CHD4: variants seen among roughly 807,000 people sequenced by gnomAD.
The protein encoded by CHD4 is ATP-dependent chromatin remodeler CHD4.
CHD4 carries 35 observed loss-of-function variants against 235.5 expected under a neutral mutation model. That is an observed-to-expected ratio of 0.15 (90% CI 0.11 to 0.20). The LOEUF (loss-of-function observed/expected upper bound fraction) is 0.20, where lower values mean the gene tolerates loss of function less well. Ranked by LOEUF, CHD4 falls within the 10% of genes least tolerant of loss-of-function variation. The pLI, the probability that CHD4 is intolerant of heterozygous loss-of-function variation, is 1.00. For synonymous variants in CHD4, 900 were observed against 850.2 expected (o/e 1.06, Z -1.02); for missense variants, 1,329 against 2,432.3 (o/e 0.55, Z 9.54).
intron 33 of CHD4, among the ~76,000 whole-genome samples, chr12:6,579,876 G>A (rs997586345): frequency 6.6e-6 from 1 of 151,522 alleles, no homozygotes; most frequent in Non-Finnish European, 1.5e-5. Context: ...CTAACACGGT[G>A]AAACCCCGTC....
intron 33 of CHD4, 189 bp from the exon 34 acceptor site, chr12:6,579,106 G>A: frequency 3.7e-6 from 2 of 542,058 alleles, no homozygotes; most frequent in Admixed American, 2.9e-5. Flanking sequence ...CTTGAGGTCA[G>A]GAGTTCAAGA....
At chr12:6,579,011 T>TA in intron 33 of CHD4, 94 bp from the exon 34 acceptor site, 1 of 1,173,850 alleles carries the variant, frequency 8.5e-7, no homozygotes, top group Non-Finnish European at 1.3e-6. Context: ...CACATCTAAA[T>TA]GTCTGCAATT....
intron 3 of CHD4, 71 bp from the exon 4 acceptor site, chr12:6,602,246 C>A (rs1948609886): frequency 6.3e-7 from 1 of 1,590,680 alleles, no homozygotes. Flanking sequence ...CTCAGGACAG[C>A]CCTGAGGCTC....
intron 34 of CHD4, 120 bp downstream of exon 34, chr12:6,578,726 A>C (rs1413880226): frequency 1.5e-6 from 2 of 1,351,756 alleles, no homozygotes; most frequent in African/African-American, 1.4e-5. Context: ...GGACAGGTAC[A>C]GTCTTTTATC....
At chr12:6,603,967 A>C (rs1267488501) in intron 2 of CHD4, among the ~76,000 whole-genome samples, 1 of 152,192 alleles carries the variant, frequency 6.6e-6, no homozygotes, top group Admixed American at 6.5e-5. Context: ...ACAGAGCAGG[A>C]CCTAGACAGT....
At chr12:6,577,702 G>A (rs1012497341) in intron 37 of CHD4, 83 bp downstream of exon 37, 136 of 1,561,860 alleles carry the variant, frequency 8.7e-5, no homozygotes, top group Admixed American at 6.6e-4. Flanking sequence ...CAGTGCGCTG[G>A]ATGGACAGAC....
chr12:6,592,958 T>C, intron 17 of CHD4, 133 bp downstream of exon 17: 4 of 1,505,924 alleles, frequency 2.7e-6, no homozygotes, highest in Non-Finnish European at 3.6e-6. Context: ...CACCAAGGGC[T>C]GTCACATACA....
rs749279386 is a variant in CHD4 at position 6,581,044 on chromosome 12, C to T, written c.4909G>A (p.Gly1637Ser). Residue 1637 changes from glycine (G) to serine (S), a missense_variant and splice_region_variant, in exon 33 of 40, where the codon GGT (glycine) becomes AGT (serine). Around this residue, in one of 26 missense-constraint regions of CHD4, gnomAD observed 219 missense variants for 219.3 expected, o/e 1.00. Coordinates refer to ENST00000544040, the MANE Select transcript of CHD4 (RefSeq NM_001273.5). ...ACAAAAAAAATGTGGATACCTTTAC[C>T]TTTGGGCTCTGTCTCCATAGGTTCC... is the stretch of plus-strand genomic sequence containing the variant. ...TEEPMETEPK[G>S]AADVEKVEEK... 4 of 1,613,478 alleles carry T rather than the reference C, an allele frequency of 2.5e-6. No homozygotes were observed. The highest frequency in any genetic ancestry group is 2.2e-5 in the East Asian group (1 of 44,878).
At chr12:6,572,874 TTA>T in intron 38 of CHD4, 198 bp downstream of exon 38, 7 of 489,856 alleles carry the variant, frequency 1.4e-5, no homozygotes, top group East Asian at 4.1e-5. Context: ...GTCCATCTCT[TTA>T]AAAAAAAAAA....
At chr12:6,594,759 C>A in intron 14 of CHD4, 109 bp from the exon 15 acceptor site, 1 of 1,013,548 alleles carries the variant, frequency 9.9e-7, no homozygotes. Context: ...TGGGGAAGAG[C>A]TCCGGAAAAT....
intron 31 of CHD4, 80 bp downstream of exon 31, chr12:6,581,569 T>C (rs773272625): frequency 1.3e-6 from 2 of 1,588,492 alleles, no homozygotes; most frequent in South Asian, 2.2e-5. Flanking sequence ...ACTACCCTGT[T>C]AGAACTGAGC....
At chr12:6,591,611 G>C (rs1948402182) in intron 21 of CHD4, 28 bp from the exon 22 acceptor site, 1 of 1,613,612 alleles carries the variant, frequency 6.2e-7, no homozygotes, top group African/African-American at 1.3e-5. Context: ...TTTAATTATG[G>C]AAGAGTCAGA....
chr12:6,581,603 A>T (rs777295505), intron 31 of CHD4, 46 bp downstream of exon 31: 4 of 1,613,698 alleles, frequency 2.5e-6, no homozygotes. Flanking sequence ...AAAATAGGCC[A>T]GGACAAAAAG....
chr12:6,606,343 A>AG lies in CHD4; in HGVS notation c.30dup (p.Cys11LeufsTer6). ...TCCTCCTCCTCACTGCCCGCCGAGCAGGGGGACGGGGAGCCCAGGCCCGAC... is the reference window on the plus strand; with the variant it reads ...TCCTCCTCCTCACTGCCCGCCGAGCAGGGGGGACGGGGAGCCCAGGCCCGAC... On this transcript the variant is annotated frameshift_variant, in exon 2 of 40. Transcript: ENST00000544040. LOFTEE classifies it high-confidence loss of function. 1.3e-6 allele frequency: 2 copies of AG among 1,572,214 alleles called. No homozygotes were observed. The highest frequency in any genetic ancestry group is 1.7e-6 in the Non-Finnish European group (2 of 1,162,168).
At chr12:6,585,570 C>T (rs1384873781) in intron 25 of CHD4, among the ~76,000 whole-genome samples, 9 of 151,934 alleles carry the variant, frequency 5.9e-5, no homozygotes, top group Non-Finnish European at 1.5e-5. Context: ...GCGTGAGCCA[C>T]CACGTCTGGC....
intron 17 of CHD4, 99 bp from the exon 18 acceptor site, chr12:6,592,916 C>T: frequency 1.3e-6 from 2 of 1,521,496 alleles, no homozygotes; most frequent in Non-Finnish European, 1.8e-6. Context: ...AGTTAAGCAT[C>T]CCACTCCTCA....
chr12:6,577,303 T>C (rs1023569231), intron 37 of CHD4, among the ~76,000 whole-genome samples: 4 of 151,332 alleles, frequency 2.6e-5, no homozygotes, highest in Admixed American at 6.6e-5. Flanking sequence ...GCGCCTGTAA[T>C]CTCAGCTACT....
chr12:6,571,252 C>T (rs899710105), intron 38 of CHD4: 3 of 531,876 alleles, frequency 5.6e-6, no homozygotes, highest in Admixed American at 3.6e-5. Context: ...TAAACCTTCA[C>T]TATCCCTTAC....
intron 12 of CHD4, 58 bp downstream of exon 12, chr12:6,597,836 T>A: frequency 1.4e-6 from 2 of 1,470,988 alleles, no homozygotes; most frequent in Non-Finnish European, 1.9e-6. Context: ...ATTTTCCCAA[T>A]CTCTTTAGCA....
Sources: gnomAD v4.1 joint callset for allele counts (sites outside exome capture counted in the v4.1 genomes callset) on GRCh38, gnomAD v4.1.1 for gene constraint, gnomAD v4.1.1 regional missense constraint, MANE v1.5 for transcripts, NCBI Gene and HGNC (gene_info 2026-07-23, HGNC 2026-07-21) for gene names.